The following CSMD1 variants were observed in gnomAD, a reference collection of about 807,000 sequenced individuals.
CSMD1 encodes CUB and sushi domain-containing protein 1.
Under a neutral mutation model 417.5 loss-of-function variants are expected in CSMD1, and 213 were observed. The ratio of observed to expected loss-of-function variants is 0.51; its 90% CI spans 0.46 to 0.57. The LOEUF (loss-of-function observed/expected upper bound fraction) is 0.57. Ranked by LOEUF, CSMD1 falls within the 20% of genes least tolerant of loss-of-function variation. CSMD1 has a pLI of 0.00. For synonymous variants in CSMD1, 2,862 were observed against 1,736.8 expected (o/e 1.65, Z -16.11); for missense variants, 6,923 against 4,529.7 (o/e 1.53, Z -15.17).
intron 1 of CSMD1, among the ~76,000 whole-genome samples, chr8:4,971,884 G>T (rs1011635799): frequency 1.6e-4 from 25 of 151,960 alleles, no homozygotes; most frequent in Admixed American, 1.6e-3. Context: ...TTTTAGCTCA[G>T]AAATAGTAGT....
At chr8:3,754,090 C>T (rs1356934426) in intron 5 of CSMD1, 48 bp from the exon 6 acceptor site, 2 of 1,272,980 alleles carry the variant, frequency 1.6e-6, no homozygotes. Context: ...ACCAACAGAG[C>T]AAATGTCCTA....
At chr8:4,919,555 G>A (rs1806297393) in intron 1 of CSMD1, among the ~76,000 whole-genome samples, 1 of 152,090 alleles carries the variant, frequency 6.6e-6, no homozygotes, top group Non-Finnish European at 1.5e-5. Context: ...ATAAAATGTT[G>A]ACATAAAATA....
chr8:4,316,606 T>C (rs1333124940), intron 3 of CSMD1, among the ~76,000 whole-genome samples: 1 of 151,972 alleles, frequency 6.6e-6, no homozygotes, highest in Non-Finnish European at 1.5e-5. Flanking sequence ...GGTGTAGACA[T>C]CAGAGACACC....
At chr8:4,489,879 A>G (rs1801613733) in intron 2 of CSMD1, among the ~76,000 whole-genome samples, 1 of 152,156 alleles carries the variant, frequency 6.6e-6, no homozygotes, top group Admixed American at 6.5e-5. Context: ...TGCCTTGCCC[A>G]GACTACGACC....
At chr8:3,593,481 G>C (rs1464951287) in intron 8 of CSMD1, among the ~76,000 whole-genome samples, 2 of 152,200 alleles carry the variant, frequency 1.3e-5, no homozygotes, top group Non-Finnish European at 2.9e-5. Flanking sequence ...ATGGAGGAGA[G>C]ATGCCTGCTC....
At chr8:3,465,606 G>T (rs976229845) in intron 12 of CSMD1, among the ~76,000 whole-genome samples, 1 of 152,162 alleles carries the variant, frequency 6.6e-6, no homozygotes, top group East Asian at 1.9e-4. Context: ...GGTTAGAAGT[G>T]TGATCCGAAG....
intron 3 of CSMD1, among the ~76,000 whole-genome samples, chr8:4,287,645 C>T (rs1046856915): frequency 9.3e-5 from 12 of 128,560 alleles, no homozygotes; most frequent in African/African-American, 3.3e-4. Context: ...GCTGCAGTCT[C>T]GTCATAGGTG....
chr8:4,345,388 T>C (rs1014868762), intron 3 of CSMD1, among the ~76,000 whole-genome samples: 4 of 152,078 alleles, frequency 2.6e-5, no homozygotes, highest in Non-Finnish European at 5.9e-5. Context: ...ACTTATGCAA[T>C]AGAGTATTTT....
intron 2 of CSMD1, among the ~76,000 whole-genome samples, chr8:4,560,447 T>C (rs950118999): frequency 1.2e-4 from 19 of 152,238 alleles, no homozygotes; most frequent in African/African-American, 4.6e-4. Flanking sequence ...ATTATGCTTC[T>C]GCAATCTATA....
intron 3 of CSMD1, among the ~76,000 whole-genome samples, chr8:4,382,506 C>G (rs906562258): frequency 6.6e-6 from 1 of 152,144 alleles, no homozygotes. Flanking sequence ...CTCTGTTCAC[C>G]GCTCTTCTTT....
intron 1 of CSMD1, among the ~76,000 whole-genome samples, chr8:4,764,904 C>CCACA (rs1812355822): frequency 8.2e-6 from 1 of 122,654 alleles, no homozygotes; most frequent in Non-Finnish European, 1.6e-5. Context: ...ACAACAACAA[C>CCACA]AAAAAAAAAC....
At chr8:3,990,701 A>T (rs1244209549) in intron 5 of CSMD1, among the ~76,000 whole-genome samples, 2 of 152,334 alleles carry the variant, frequency 1.3e-5, no homozygotes, top group East Asian at 1.9e-4. Flanking sequence ...TCTCAAATTC[A>T]GGCTTAATTC....
intron 1 of CSMD1, among the ~76,000 whole-genome samples, chr8:4,791,425 C>T (rs1009192472): frequency 6.6e-6 from 1 of 152,150 alleles, no homozygotes; most frequent in Non-Finnish European, 1.5e-5. Flanking sequence ...GTGGGTGGGA[C>T]CCCATCCCTT....
chr8:4,970,898 G>A (rs1810198069), intron 1 of CSMD1, among the ~76,000 whole-genome samples: 3 of 152,066 alleles, frequency 2.0e-5, no homozygotes, highest in Admixed American at 6.6e-5. Context: ...GTAACGAAGT[G>A]CTTTTTATGT....
intron 2 of CSMD1, among the ~76,000 whole-genome samples, chr8:4,422,774 A>G (rs1410641594): frequency 1.3e-5 from 2 of 152,168 alleles, no homozygotes; most frequent in Non-Finnish European, 2.9e-5. Flanking sequence ...ATAGATGCAA[A>G]AATCCTTAAC....
intron 2 of CSMD1, among the ~76,000 whole-genome samples, chr8:4,521,342 G>T (rs965021904): frequency 5.9e-5 from 9 of 152,090 alleles, no homozygotes; most frequent in African/African-American, 1.9e-4. Context: ...GAGCTGGGAA[G>T]CCTTAAGAAC....
chr8:4,186,228 A>T, intron 3 of CSMD1, among the ~76,000 whole-genome samples: 1 of 152,122 alleles, frequency 6.6e-6, no homozygotes, highest in East Asian at 1.9e-4. Flanking sequence ...GGACGGCCAA[A>T]CTGTGTTGCC....
intron 6 of CSMD1, among the ~76,000 whole-genome samples, chr8:3,726,700 T>A (rs1002495590): frequency 5.9e-5 from 9 of 152,290 alleles, no homozygotes; most frequent in African/African-American, 2.2e-4. Flanking sequence ...GTACGAGGTG[T>A]ATATTTACCT....
At chr8:3,540,056 A>G (rs568347421) in intron 10 of CSMD1, among the ~76,000 whole-genome samples, 1 of 152,200 alleles carries the variant, frequency 6.6e-6, no homozygotes, top group African/African-American at 2.4e-5. Flanking sequence ...ACCACACTGC[A>G]ATCTCTGATT....
Sources: allele counts gnomAD v4.1 joint callset (sites outside exome capture counted in the v4.1 genomes callset), GRCh38; gene constraint gnomAD v4.1.1; transcripts MANE v1.5; gene names NCBI Gene and HGNC (gene_info 2026-07-23, HGNC 2026-07-21).